The following NBAS variants were observed in gnomAD, a reference collection of about 807,000 sequenced individuals.
NBAS encodes the protein NAG/BC035112 fusion.
Under a neutral mutation model 302.5 loss-of-function variants are expected in NBAS, and 219 were observed. The ratio of observed to expected loss-of-function variants is 0.72; its 90% CI spans 0.65 to 0.81. NBAS has a LOEUF of 0.81. NBAS is among the 30% of genes least tolerant of loss of function. The probability of loss-of-function intolerance (pLI) is 0.00; values close to 1 mark genes in which losing one functional copy is unlikely to be tolerated. For missense variants in NBAS, 2,932 were observed against 2,841.6 expected (o/e 1.03, Z -0.72); for synonymous variants, 1,118 against 1,021.6 (o/e 1.09, Z -1.80).
At chr2:14,847,046 T>C in the NBAS span, among the ~76,000 whole-genome samples, 3 of 151,978 alleles carry the variant, frequency 2.0e-5, no homozygotes, top group Non-Finnish European at 2.9e-5. Flanking sequence ...AAATGCAAGA[T>C]CCAATAATCT....
intron 35 of NBAS, among the ~76,000 whole-genome samples, chr2:15,343,494 A>G (rs1046191087): frequency 1.3e-5 from 2 of 152,136 alleles, no homozygotes; most frequent in African/African-American, 4.8e-5. Context: ...TTCATTTAAA[A>G]CTTCAAAATA....
the NBAS span, among the ~76,000 whole-genome samples, chr2:15,006,303 C>T: frequency 3.9e-5 from 6 of 151,996 alleles, no homozygotes; most frequent in East Asian, 1.9e-4. Context: ...AGGAATTCTC[C>T]GGAAGCCAGA....
Position 15,474,262 on chromosome 2 carries a change from T to A in NBAS, c.1404A>T (p.Glu468Asp). ...RLETRAGEED[E>D]GEEDSDSDYE... Reference sequence around the variant, plus strand: ...AATCAGAATCAGAATCCTCTTCTCCTTCATCTTCTTCTCCAGCTCTAGTCT... The same window carrying A: ...AATCAGAATCAGAATCCTCTTCTCCATCATCTTCTTCTCCAGCTCTAGTCT... Residue 468 changes from glutamate (E) to aspartate (D), a missense_variant, in exon 15 of 52, where the codon GAA (glutamate) becomes GAT (aspartate). Coordinates refer to ENST00000281513, the MANE Select transcript of NBAS (RefSeq NM_015909.4). The A allele has an allele frequency of 1.2e-6, 2 of 1,613,920 alleles. No individual in the cohort carries two copies. Among genetic ancestry groups the A allele is most frequent in the Non-Finnish European group, 1.7e-6 (2 of 1,179,820 alleles).
intron 9 of NBAS, among the ~76,000 whole-genome samples, chr2:15,515,589 T>C (rs1305780097): frequency 6.6e-6 from 1 of 152,136 alleles, no homozygotes; most frequent in African/African-American, 2.4e-5. Flanking sequence ...TATTATTCAA[T>C]AAGACTCACA....
At chr2:14,876,824 G>A in the NBAS span, among the ~76,000 whole-genome samples, 13 of 152,324 alleles carry the variant, frequency 8.5e-5, no homozygotes, top group South Asian at 1.0e-3. Context: ...CCTCCCGGCC[G>A]CTGACTCCAG....
the NBAS span, among the ~76,000 whole-genome samples, chr2:14,988,791 A>G: frequency 6.6e-6 from 1 of 152,178 alleles, no homozygotes; most frequent in Non-Finnish European, 1.5e-5. Flanking sequence ...TTTAGCTGAC[A>G]ATTTCCATGA....
chr2:14,915,070 G>A, the NBAS span, among the ~76,000 whole-genome samples: 5 of 152,210 alleles, frequency 3.3e-5, no homozygotes, highest in African/African-American at 9.7e-5. Context: ...GACGTGGGTT[G>A]GAAATGAGGA....
At chr2:15,111,090 C>T in the NBAS span, among the ~76,000 whole-genome samples, 9 of 151,964 alleles carry the variant, frequency 5.9e-5, no homozygotes, top group Non-Finnish European at 8.8e-5. Flanking sequence ...GGAAGAATAA[C>T]GGGAGAGAAA....
chr2:15,224,100 C>T (rs1667063397), intron 47 of NBAS, among the ~76,000 whole-genome samples: 1 of 152,164 alleles, frequency 6.6e-6, no homozygotes, highest in Admixed American at 6.5e-5. Context: ...GCAACCATGA[C>T]AACAAAACAT....
chr2:15,280,395 G>A (rs996881041), intron 42 of NBAS, among the ~76,000 whole-genome samples: 3 of 152,050 alleles, frequency 2.0e-5, no homozygotes, highest in African/African-American at 7.2e-5. Flanking sequence ...GAAGGCTGCC[G>A]GGAGAGGGGG....
At chr2:14,797,714 G>T in the NBAS span, among the ~76,000 whole-genome samples, 3 of 152,206 alleles carry the variant, frequency 2.0e-5, no homozygotes, top group South Asian at 4.1e-4. Flanking sequence ...AGCTATAGTG[G>T]TCACAGAGTT....
At position 15,241,252 on chromosome 2, in the gene NBAS, A is replaced by G. The variant is rs554812179; in HGVS notation, c.5725-2566T>C. On this transcript the variant is annotated intron_variant, in intron 44 of 51. Transcript: ENST00000281513. ...TATAAATTTCAGAAATTACTTGGCT[A>G]TATCAGCTAGCCAAATGTATACACT... Among the ~76,000 whole-genome samples the G allele has an allele frequency of 2.6e-5, 4 of 152,336 alleles. No individual in the cohort carries two copies. The South Asian group carries it at 8.3e-4, about 32-fold the overall frequency.
At chr2:15,318,474 C>T (rs1254443738) in intron 38 of NBAS, among the ~76,000 whole-genome samples, 1 of 152,024 alleles carries the variant, frequency 6.6e-6, no homozygotes, top group South Asian at 2.1e-4. Flanking sequence ...GAGTCAAAAC[C>T]CATTACTGTG....
chr2:14,844,534 G>A, the NBAS span, among the ~76,000 whole-genome samples: 2 of 152,146 alleles, frequency 1.3e-5, no homozygotes, highest in African/African-American at 4.8e-5. Flanking sequence ...AAAAGTAAAG[G>A]GGACTTTGTT....
At chr2:14,824,896 G>A in the NBAS span, among the ~76,000 whole-genome samples, 93 of 152,194 alleles carry the variant, frequency 6.1e-4, 1 homozygote, top group Admixed American at 2.9e-3. Flanking sequence ...GAGCAGACAC[G>A]CAGGAAGTGA....
chr2:15,300,770 T>C (rs1008890379), intron 40 of NBAS, among the ~76,000 whole-genome samples: 2 of 152,048 alleles, frequency 1.3e-5, no homozygotes, highest in African/African-American at 2.4e-5. Context: ...CTTCCATGGG[T>C]GCACACACAA....
the NBAS span, among the ~76,000 whole-genome samples, chr2:14,957,319 G>A: frequency 6.6e-6 from 1 of 151,158 alleles, no homozygotes; most frequent in Non-Finnish European, 1.5e-5. Flanking sequence ...GTAAAGTCCT[G>A]TGATGAAATA....
chr2:14,916,828 G>A, the NBAS span, among the ~76,000 whole-genome samples: 1 of 152,200 alleles, frequency 6.6e-6, no homozygotes, highest in Non-Finnish European at 1.5e-5. Context: ...TCCCAGCAAA[G>A]CAGACAGTGG....
chr2:15,544,608 A>C (rs577737875), intron 6 of NBAS, among the ~76,000 whole-genome samples: 1 of 152,324 alleles, frequency 6.6e-6, no homozygotes, highest in Admixed American at 6.5e-5. Flanking sequence ...GACAAACAAT[A>C]ATAAAGAGAA....
Sources: gnomAD v4.1 joint callset for allele counts (sites outside exome capture counted in the v4.1 genomes callset) on GRCh38, gnomAD v4.1.1 for gene constraint, MANE v1.5 for transcripts, NCBI Gene and HGNC (gene_info 2026-07-23, HGNC 2026-07-21) for gene names.